The following PREPL variants were observed in gnomAD, a reference collection of about 807,000 sequenced individuals.
PREPL encodes the protein prolyl endopeptidase like.
Under a neutral mutation model 70.6 loss-of-function variants are expected in PREPL, and 77 were observed. The observed-to-expected ratio is 1.09, with a 90% confidence interval of 0.91 to 1.32. PREPL has a LOEUF of 1.32. Ranked by LOEUF, PREPL falls within the 40% of genes most tolerant of loss-of-function variation. The pLI, the probability that PREPL is intolerant of heterozygous loss-of-function variation, is 0.00. For missense variants in PREPL, 1,002 were observed against 778.2 expected (o/e 1.29, Z -3.42); for synonymous variants, 315 against 264.8 (o/e 1.19, Z -1.84).
intron 2 of PREPL, among the ~76,000 whole-genome samples, chr2:44,345,496 C>A (rs954858011): frequency 6.6e-6 from 1 of 151,932 alleles, no homozygotes; most frequent in Non-Finnish European, 1.5e-5. Flanking sequence ...GGACTACAGG[C>A]GCCTGCCACC....
At position 44,339,263 on chromosome 2, in the gene PREPL, G is replaced by C. The variant is rs1418743403; in HGVS notation, c.586C>G (p.Pro196Ala). ...SEVWLIDGLS[P>A]WDPPVLIQKR... is the part of the protein sequence containing the mutation. ...TGGATAAGTACTGGTGGGTCCCAAG[G>C]GCTCAGGCCATCTATCAACCACACT... Residue 196 changes from proline (P) to alanine (A), a missense_variant, in exon 6 of 14, where the codon CCT (proline) becomes GCT (alanine). Physicochemically the swap from Pro to Ala is conservative, Grantham distance 27. Coordinates refer to ENST00000409411, the MANE Select transcript of PREPL (RefSeq NM_001171613.2). 6.2e-7 allele frequency: 1 copy of C among 1,614,012 alleles called. No homozygotes were observed. Among genetic ancestry groups the C allele is most frequent in the Non-Finnish European group, 8.5e-7 (1 of 1,180,014 alleles).
At chr2:44,347,670 G>A (rs1451739714) in intron 1 of PREPL, among the ~76,000 whole-genome samples, 1 of 152,142 alleles carries the variant, frequency 6.6e-6, no homozygotes, top group Non-Finnish European at 1.5e-5. Flanking sequence ...AAAGGATTCT[G>A]GCCAAGATAT....
At chr2:44,333,993 CA>C (rs1253753072) in intron 7 of PREPL, among the ~76,000 whole-genome samples, 1 of 152,156 alleles carries the variant, frequency 6.6e-6, no homozygotes, top group African/African-American at 2.4e-5. Context: ...AGCTTTAGAC[CA>C]AGTGGTTCCA....
intron 10 of PREPL, among the ~76,000 whole-genome samples, chr2:44,325,136 T>C (rs1403147850): frequency 1.3e-5 from 2 of 152,342 alleles, no homozygotes; most frequent in East Asian, 3.9e-4. Context: ...ACTGTGGAGA[T>C]ACTAAGTGCT....
chr2:44,336,667 C>T (rs557315651), intron 7 of PREPL, among the ~76,000 whole-genome samples: 1 of 151,896 alleles, frequency 6.6e-6, no homozygotes, highest in South Asian at 2.1e-4. Flanking sequence ...GCACATGTAC[C>T]CCTGAAAGTA....
chr2:44,319,976 G>T lies in PREPL; in HGVS notation c.*1380C>A. On this transcript the variant is annotated 3_prime_UTR_variant, in exon 14 of 14. Transcript: ENST00000409411. ...TCTACAATGTAGCAGAGCACTGTGC[G>T]TACTTATTGACTCCCAGACAAGCCG... The T allele has an allele frequency of 1.8e-6, 1 of 543,928 alleles. No homozygotes were observed. Among genetic ancestry groups the T allele is most frequent in the Non-Finnish European group, 3.3e-6 (1 of 305,068 alleles). 33.7% of individuals were successfully genotyped at this position (543,928 alleles called of 1,614,324 possible).
chr2:44,342,384 G>T lies in PREPL; in HGVS notation c.485+33C>A, dbSNP rs374358578. The T allele has an allele frequency of 7.8e-5, 121 of 1,557,814 alleles. 1 individual carries two copies. Among genetic ancestry groups the T allele is most frequent in the Non-Finnish European group, 1.0e-4 (116 of 1,146,454 alleles). On this transcript the variant is annotated intron_variant, in intron 5 of 13. Transcript: ENST00000409411. ...CTTTAAATAACTGGAGGAAGGTTCT[G>T]GAGAGAAAGATTTAATTATATTATT...
rs761678974 is a variant in PREPL, at chr2:44,320,223, G to A, written c.*1133C>T. On this transcript the variant is annotated 3_prime_UTR_variant, in exon 14 of 14. Coordinates refer to ENST00000409411, the MANE Select transcript of PREPL (RefSeq NM_001171613.2). The stretch of plus-strand genomic sequence containing the variant: ...GGTCCAAAAGACTCAGCCCAGATCG[G>A]CTTTGAAGTTATATCAAGATTTAAG... The A allele has an allele frequency of 6.2e-7, 1 of 1,613,850 alleles. No individual in the cohort carries two copies. Among genetic ancestry groups the A allele is most frequent in the Non-Finnish European group, 8.5e-7 (1 of 1,179,814 alleles).
chr2:44,337,948 T>C (rs1378539939), intron 7 of PREPL, among the ~76,000 whole-genome samples: 2 of 152,202 alleles, frequency 1.3e-5, no homozygotes, highest in Non-Finnish European at 1.5e-5. Context: ...AAAAACACAG[T>C]GGATACCACT....
Position 44,329,102 on chromosome 2 carries a change from A to C in PREPL, c.1097T>G (p.Leu366Ter). The C allele has an allele frequency of 6.3e-7, 1 of 1,596,792 alleles. No homozygotes were observed. The highest frequency in any genetic ancestry group is 1.1e-5 in the South Asian group (1 of 89,944). Residue 366 changes from leucine to a stop codon, truncating the protein, a stop_gained, in exon 9 of 14, where the codon TTA (leucine) becomes TGA (stop). Transcript: ENST00000409411. LOFTEE classifies it high-confidence loss of function. The stretch of plus-strand genomic sequence containing the variant: ...TTTGTGGAAAACAGTCATTGGCACT[A>C]ATTTTCCATCCTAGAAATGAAGAAT... Reference protein sequence around the residue: ...RLEAKSKDGKLVPMTVFHKTD... With the variant: ...RLEAKSKDGK
chr2:44,360,212 T>C (rs1677545660), intron 1 of PREPL: 1 of 152,324 alleles, frequency 6.6e-6, no homozygotes, highest in Non-Finnish European at 1.5e-5. Context: ...AGCCTAATTA[T>C]TTAATAAAGG....
chr2:44,328,268 C>A (rs867515673), intron 9 of PREPL, among the ~76,000 whole-genome samples: 32 of 102,872 alleles, frequency 3.1e-4, no homozygotes, highest in Admixed American at 8.8e-4. Flanking sequence ...GATTCTATCT[C>A]AAAAAAAAAA....
In PREPL at chr2:44,342,482, G is replaced by T. The variant is rs550765961; in HGVS notation, c.420C>A (p.Asp140Glu). The T allele has an allele frequency of 2.5e-6, 4 of 1,612,248 alleles. No homozygotes were observed. In the African/African-American group the frequency reaches 5.4e-5, roughly 22 times the overall value. The change falls in exon 5 of 14, where the codon GAC (aspartate) becomes GAA (glutamate). Residue 140 changes from aspartate (D) to glutamate (E), a missense_variant. Transcript: ENST00000409411. ...TATCACCAAAAGTGGCTCGATATAC[G>T]TCATGACAGCGAAGGTTCCTCTGGA... ...YTFQRNLRCH[D>E]VYRATFGDNK...
In PREPL at chr2:44,351,075, C is replaced by T. The variant is rs971034933; in HGVS notation, c.-48-4685G>A. On this transcript the variant is annotated intron_variant, in intron 1 of 13. Coordinates refer to ENST00000409411, the MANE Select transcript of PREPL (RefSeq NM_001171613.2). ...GTAGCTGGGATTACAGGCACTTGCT[C>T]ACCACGCTGGCTAATTTTTTTTTTT... Among the ~76,000 whole-genome samples the T allele has an allele frequency of 2.0e-5, 3 of 150,678 alleles. No homozygotes were observed. In the East Asian group the frequency reaches 5.8e-4, roughly 29 times the overall value.
At chr2:44,324,441 C>T (rs1673291600) in intron 10 of PREPL, among the ~76,000 whole-genome samples, 1 of 151,944 alleles carries the variant, frequency 6.6e-6, no homozygotes, top group South Asian at 2.1e-4. Flanking sequence ...GAAAAAAATA[C>T]ACAAGGAATA....
chr2:44,326,630 A>AG, intron 10 of PREPL, 82 bp downstream of exon 10: 2 of 1,426,264 alleles, frequency 1.4e-6, no homozygotes, highest in Non-Finnish European at 2.0e-6. Context: ...CCGCTGTGCC[A>AG]GCCCAAAAAC....
In PREPL at chr2:44,317,785, A is replaced by G. The variant is rs1325130746; in HGVS notation, c.*3571T>C. The G allele has an allele frequency of 6.5e-6, 1 of 154,750 alleles. No individual in the cohort carries two copies. Among genetic ancestry groups the G allele is most frequent in the East Asian group, 1.9e-4 (1 of 5,222 alleles). The allele number at this position is 154,750 out of a possible 1,614,324, so 9.6% of individuals were successfully genotyped here. A position where few individuals can be genotyped will look rare whatever the true frequency, so the allele number is the denominator to read the frequency against. ...GCTTAATAGAAAAAAACCCTAAACAATAGTATAACTACAAATAAAATAGGG... is the reference window on the plus strand; with the variant it reads ...GCTTAATAGAAAAAAACCCTAAACAGTAGTATAACTACAAATAAAATAGGG... On this transcript the variant is annotated 3_prime_UTR_variant, in exon 14 of 14. Transcript: ENST00000409411.
rs936803796 is a variant in PREPL, at chr2:44,318,781, A to C, written c.*2575T>G. On this transcript the variant is annotated 3_prime_UTR_variant, in exon 14 of 14. Coordinates refer to ENST00000409411, the MANE Select transcript of PREPL (RefSeq NM_001171613.2). ...ACAAAAATCAGGCTTGGAAGTATTT[A>C]ATAGCAGACAAAATATAGTTCAATA... 1.3e-5 allele frequency: 2 copies of C among 152,224 alleles called. No individual in the cohort carries two copies. Among genetic ancestry groups the C allele is most frequent in the Non-Finnish European group, 2.9e-5 (2 of 68,028 alleles). 9.4% of individuals were successfully genotyped at this position (152,224 alleles called of 1,614,324 possible).
At chr2:44,338,807 T>C (rs1228544856) in intron 6 of PREPL, among the ~76,000 whole-genome samples, 1 of 152,176 alleles carries the variant, frequency 6.6e-6, no homozygotes, top group African/African-American at 2.4e-5. Flanking sequence ...TACAGATACA[T>C]CAGTGAGCTT....
Sources: gnomAD v4.1 joint callset for allele counts (sites outside exome capture counted in the v4.1 genomes callset) on GRCh38, gnomAD v4.1.1 for gene constraint, MANE v1.5 for transcripts, NCBI Gene and HGNC (gene_info 2026-07-23, HGNC 2026-07-21) for gene names.